The following PRKG1 variants were observed in gnomAD, a reference collection of about 807,000 sequenced individuals.
PRKG1 encodes cGMP-dependent protein kinase 1.
PRKG1 carries 35 observed loss-of-function variants against 88.1 expected under a neutral mutation model. That is an observed-to-expected ratio of 0.40 (90% CI 0.30 to 0.53). PRKG1 has a LOEUF of 0.53. PRKG1 is among the 20% of genes least tolerant of loss of function. PRKG1 has a pLI of 0.59. For synonymous variants in PRKG1, 303 were observed against 292.5 expected (o/e 1.04, Z -0.37); for missense variants, 540 against 839.8 (o/e 0.64, Z 4.41).
intron 10 of PRKG1, among the ~76,000 whole-genome samples, chr10:52,259,423 A>G (rs1256432713): frequency 6.6e-6 from 1 of 152,100 alleles, no homozygotes; most frequent in African/African-American, 2.4e-5. Context: ...GAAAATAGTC[A>G]TGTCTTTTTA....
rs533130557 is a variant in PRKG1 at position 51,356,766 on chromosome 10, T to C, written c.479-110957T>C. 2.0e-5 allele frequency among the ~76,000 whole-genome samples: 3 copies of C among 152,086 alleles called. No homozygotes were observed. The East Asian group carries it at 5.8e-4, about 30-fold the overall frequency. ...TTAAATAAATGCTTTCTTTCCCAAG[T>C]AAATTTATTTGACTCTTTTCATCCT... On this transcript the variant is annotated intron_variant, in intron 2 of 17. Transcript: ENST00000373980.
At chr10:52,221,415 T>A (rs1840241611) in intron 9 of PRKG1, among the ~76,000 whole-genome samples, 1 of 152,200 alleles carries the variant, frequency 6.6e-6, no homozygotes, top group Non-Finnish European at 1.5e-5. Flanking sequence ...TTTTAAAAAC[T>A]AAGTCAACAC....
At chr10:51,319,140 T>A (rs1338290449) in intron 2 of PRKG1, among the ~76,000 whole-genome samples, 1 of 152,224 alleles carries the variant, frequency 6.6e-6, no homozygotes, top group East Asian at 1.9e-4. Context: ...TAGCTCAGCA[T>A]TCACTGGGTT....
In PRKG1 at chr10:51,993,960, C is replaced by T. The variant is rs184747793; in HGVS notation, c.763-60524C>T. On this transcript the variant is annotated intron_variant, in intron 5 of 17. Coordinates refer to ENST00000373980, the MANE Select transcript of PRKG1 (RefSeq NM_006258.4). ...CAAAGGAGGGTCTCCTTCCTTCCTT[C>T]GGTGGCCTGAGCTAACCATCCCAGT... Among the ~76,000 whole-genome samples, 12 of 152,236 alleles carry T rather than the reference C, an allele frequency of 7.9e-5. No homozygotes were observed. The East Asian group carries it at 1.4e-3, about 17-fold the overall frequency.
intron 2 of PRKG1, among the ~76,000 whole-genome samples, chr10:51,382,595 T>C (rs1837137004): frequency 6.6e-6 from 1 of 152,180 alleles, no homozygotes; most frequent in Non-Finnish European, 1.5e-5. Flanking sequence ...CCTCAAACAA[T>C]GCTGTGGGGT....
chr10:51,209,907 C>G (rs61699059), intron 2 of PRKG1, among the ~76,000 whole-genome samples: 1,673 of 152,184 alleles, frequency 0.011, 40 homozygotes, highest in African/African-American at 0.038. Flanking sequence ...TATTACTTTT[C>G]CTGGACTTAA....
chr10:51,230,109 T>C (rs1156734184), intron 2 of PRKG1, among the ~76,000 whole-genome samples: 1 of 152,086 alleles, frequency 6.6e-6, no homozygotes. Context: ...AGAAACTAAA[T>C]GTTCAGAAAA....
intron 3 of PRKG1, among the ~76,000 whole-genome samples, chr10:51,601,241 A>G (rs1189374163): frequency 6.6e-6 from 1 of 152,134 alleles, no homozygotes; most frequent in Admixed American, 6.6e-5. Context: ...CTCCCCATAT[A>G]TTTATTGAAT....
At chr10:51,881,778 T>A (rs1197036026) in intron 4 of PRKG1, among the ~76,000 whole-genome samples, 1 of 152,204 alleles carries the variant, frequency 6.6e-6, no homozygotes, top group Non-Finnish European at 1.5e-5. Context: ...TTTTATTATT[T>A]GTTATAAATA....
At chr10:51,997,653 T>G (rs913249688) in intron 5 of PRKG1, among the ~76,000 whole-genome samples, 3 of 152,168 alleles carry the variant, frequency 2.0e-5, no homozygotes, top group Admixed American at 1.3e-4. Flanking sequence ...CATTCTACAA[T>G]GTATTCATAC....
At chr10:52,241,639 A>G (rs1216048083) in intron 9 of PRKG1, among the ~76,000 whole-genome samples, 5 of 152,188 alleles carry the variant, frequency 3.3e-5, no homozygotes, top group East Asian at 1.9e-4. Flanking sequence ...GAGATTTCCT[A>G]TTCAGAAGAT....
intron 2 of PRKG1, among the ~76,000 whole-genome samples, chr10:51,316,715 G>C (rs1020274597): frequency 7.1e-6 from 1 of 140,164 alleles, no homozygotes; most frequent in Non-Finnish European, 1.6e-5. Flanking sequence ...TAAATAAAAA[G>C]ACAAAAATGA....
intron 3 of PRKG1, among the ~76,000 whole-genome samples, chr10:51,766,145 C>T (rs1161543145): frequency 6.6e-6 from 1 of 152,010 alleles, no homozygotes; most frequent in Non-Finnish European, 1.5e-5. Flanking sequence ...GAGGTTACAG[C>T]AAAAGTTTAA....
At chr10:51,024,245 A>G (rs1843172623) in intron 1 of PRKG1, among the ~76,000 whole-genome samples, 1 of 152,230 alleles carries the variant, frequency 6.6e-6, no homozygotes, top group South Asian at 2.1e-4. Context: ...GTTCTTAACT[A>G]TATGAGTAAT....
At chr10:52,028,570 CAT>C (rs1336845286) in intron 5 of PRKG1, among the ~76,000 whole-genome samples, 4 of 152,180 alleles carry the variant, frequency 2.6e-5, no homozygotes, top group African/African-American at 9.7e-5. Context: ...TTCTGTATAA[CAT>C]GTGCCTAAGG....
intron 1 of PRKG1, among the ~76,000 whole-genome samples, chr10:51,011,099 G>A (rs1842988952): frequency 6.6e-6 from 1 of 152,126 alleles, no homozygotes; most frequent in Non-Finnish European, 1.5e-5. Flanking sequence ...TTACCACAAG[G>A]GGGCAGTAAC....
chr10:51,852,473 G>C (rs1363800142), intron 4 of PRKG1, among the ~76,000 whole-genome samples: 1 of 151,894 alleles, frequency 6.6e-6, no homozygotes, highest in Non-Finnish European at 1.5e-5. Flanking sequence ...CCAAGCAATT[G>C]AGCTCTAAAA....
At chr10:52,144,036 G>T (rs1837657094) in intron 8 of PRKG1, among the ~76,000 whole-genome samples, 1 of 152,158 alleles carries the variant, frequency 6.6e-6, no homozygotes, top group African/African-American at 2.4e-5. Context: ...GAATATGTTT[G>T]GCTGGTAGCA....
rs1474737976 is a variant in PRKG1, at chr10:51,153,283, G to C, written c.431G>C (p.Cys144Ser). Residue 144 changes from cysteine to serine, a missense_variant, in exon 2 of 18, where the codon TGC becomes TCC. Around this residue, in one of 5 missense-constraint regions of PRKG1, gnomAD observed 400 missense variants for 562.7 expected, o/e 0.71. Coordinates refer to ENST00000373980, the MANE Select transcript of PRKG1 (RefSeq NM_006258.4). ...CCGGTGGAGTATGGCAAGGACAGTTGCATCATCAAAGAAGGAGACGTGGGG... is the reference window on the plus strand; with the variant it reads ...CCGGTGGAGTATGGCAAGGACAGTTCCATCATCAAAGAAGGAGACGTGGGG... Reference protein sequence around the residue: ...MYPVEYGKDSCIIKEGDVGSL... With the variant: ...MYPVEYGKDSSIIKEGDVGSL... The C allele has an allele frequency of 5.6e-6, 9 of 1,612,144 alleles. No individual in the cohort carries two copies. The highest frequency in any genetic ancestry group is 7.6e-6 in the Non-Finnish European group (9 of 1,178,762).
Sources: gnomAD v4.1 joint callset for allele counts (sites outside exome capture counted in the v4.1 genomes callset) on GRCh38, gnomAD v4.1.1 for gene constraint, gnomAD v4.1.1 regional missense constraint, MANE v1.5 for transcripts, NCBI Gene and HGNC (gene_info 2026-07-23, HGNC 2026-07-21) for gene names.